The following GRIA4 variants were observed in gnomAD, a reference collection of about 807,000 sequenced individuals.
The protein encoded by GRIA4 is glutamate ionotropic receptor AMPA type subunit 4.
A neutral mutation model predicts 104.0 loss-of-function variants in GRIA4; 34 were observed. That is an observed-to-expected ratio of 0.33 (90% confidence interval 0.25 to 0.44). GRIA4 has a LOEUF of 0.44. Ranked by LOEUF, GRIA4 falls within the 20% of genes least tolerant of loss-of-function variation. The probability of loss-of-function intolerance (pLI) is 1.00; values close to 1 mark genes in which losing one functional copy is unlikely to be tolerated. For missense variants in GRIA4, 750 were observed against 1,096.5 expected, an observed-to-expected ratio of 0.68 and a Z score of 4.46; for synonymous variants, 386 against 381.9, an observed-to-expected ratio of 1.01 and a Z score of -0.13.
chr11:105,688,314 T>A (rs1952965397), intron 3 of GRIA4, among the ~76,000 whole-genome samples: 1 of 152,190 alleles, frequency 6.6e-6, no homozygotes, highest in South Asian at 2.1e-4. Context: ...ATCCCAGCAC[T>A]TTGGGAGGCC....
intron 7 of GRIA4, among the ~76,000 whole-genome samples, chr11:105,900,411 C>T (rs897333838): frequency 1.3e-5 from 2 of 152,078 alleles, no homozygotes; most frequent in African/African-American, 4.8e-5. Flanking sequence ...TCTGATGCTC[C>T]AGCCAATGTG....
intron 4 of GRIA4, among the ~76,000 whole-genome samples, chr11:105,765,207 G>C (rs1940876438): frequency 6.6e-6 from 1 of 152,116 alleles, no homozygotes; most frequent in African/African-American, 2.4e-5. Flanking sequence ...ACTCAGTACA[G>C]ATTAATACAA....
chr11:105,971,971 G>A lies in GRIA4; in HGVS notation c.2352G>A (p.Leu784=), dbSNP rs764831605. ...GTGAGGCAGGCGTCTTAGACAAGCT[G>A]AAAAACAAATGGTGGTACGATAAAG... The part of the protein sequence containing the change: ...KLSEAGVLDK[L]KNKWWYDKGE... The change falls in exon 15 of 17, where the codon CTG becomes CTA. Residue 784 remains leucine, a synonymous_variant. Coordinates refer to ENST00000282499, the MANE Select transcript of GRIA4 (RefSeq NM_000829.4). 1.2e-6 allele frequency: 2 copies of A among 1,613,038 alleles called. No homozygotes were observed. Among genetic ancestry groups the A allele is most frequent in the Non-Finnish European group, 1.7e-6 (2 of 1,179,222 alleles).
chr11:105,960,767 G>C (rs564019141), intron 14 of GRIA4, among the ~76,000 whole-genome samples: 1 of 152,342 alleles, frequency 6.6e-6, no homozygotes, highest in African/African-American at 2.4e-5. Flanking sequence ...GGGTTCGCGA[G>C]TGGGACCTTC....
chr11:105,696,557 TTAA>T (rs1276232731), intron 3 of GRIA4, among the ~76,000 whole-genome samples: 8 of 152,254 alleles, frequency 5.3e-5, no homozygotes, highest in East Asian at 3.9e-4. Flanking sequence ...TTTTTAAAAT[TTAA>T]TAATAATAAG....
intron 14 of GRIA4, among the ~76,000 whole-genome samples, chr11:105,938,684 T>G (rs977648398): frequency 6.6e-6 from 1 of 152,192 alleles, no homozygotes; most frequent in South Asian, 2.1e-4. Context: ...CAAAAATCAT[T>G]TGCATCTCTC....
intron 3 of GRIA4, among the ~76,000 whole-genome samples, chr11:105,703,896 A>G (rs928008747): frequency 6.6e-6 from 1 of 152,022 alleles, no homozygotes; most frequent in African/African-American, 2.4e-5. Flanking sequence ...GCTGGAAATG[A>G]GTTTCTTTGT....
chr11:105,715,983 GGAA>G (rs1163455315), intron 3 of GRIA4, among the ~76,000 whole-genome samples: 1 of 152,156 alleles, frequency 6.6e-6, no homozygotes, highest in Non-Finnish European at 1.5e-5. Context: ...GTGAGGCCCA[GGAA>G]GAAGAGGAAA....
At chr11:105,644,175 G>A (rs1406333821) in intron 3 of GRIA4, among the ~76,000 whole-genome samples, 1 of 152,188 alleles carries the variant, frequency 6.6e-6, no homozygotes, top group Non-Finnish European at 1.5e-5. Context: ...TGTGTGGTGG[G>A]AGAAAGGATT....
intron 3 of GRIA4, among the ~76,000 whole-genome samples, chr11:105,642,537 GAAAA>G (rs34987277): frequency 9.7e-4 from 70 of 72,442 alleles, no homozygotes; most frequent in African/African-American, 4.3e-3. Flanking sequence ...CAATTTTAAT[GAAAA>G]AAAAAAAAAA....
intron 3 of GRIA4, among the ~76,000 whole-genome samples, chr11:105,730,110 T>C (rs1938494098): frequency 1.3e-5 from 2 of 152,224 alleles, no homozygotes; most frequent in African/African-American, 4.8e-5. Context: ...GCAGATGACA[T>C]GATTGTATAT....
At chr11:105,724,345 A>G (rs1193269723) in intron 3 of GRIA4, among the ~76,000 whole-genome samples, 1 of 151,460 alleles carries the variant, frequency 6.6e-6, no homozygotes, top group African/African-American at 2.4e-5. Flanking sequence ...ACATAGATAG[A>G]TAGATAGATG....
chr11:105,835,558 G>A (rs1944146361), intron 4 of GRIA4, among the ~76,000 whole-genome samples: 1 of 152,002 alleles, frequency 6.6e-6, no homozygotes, highest in African/African-American at 2.4e-5. Flanking sequence ...GTGTGTGTGT[G>A]TGTTTTCTTT....
At chr11:105,635,520 A>G (rs1490597444) in intron 3 of GRIA4, among the ~76,000 whole-genome samples, 1 of 152,186 alleles carries the variant, frequency 6.6e-6, no homozygotes, top group African/African-American at 2.4e-5. Context: ...CACTTTTGAT[A>G]AAGGGAAATA....
chr11:105,926,186 A>G (rs1378608246), intron 12 of GRIA4, among the ~76,000 whole-genome samples: 1 of 150,932 alleles, frequency 6.6e-6, no homozygotes, highest in Non-Finnish European at 1.5e-5. Flanking sequence ...CTTGGCCTAC[A>G]TCCCATCATC....
chr11:105,869,880 A>G (rs1223797032), intron 5 of GRIA4, among the ~76,000 whole-genome samples: 2 of 152,136 alleles, frequency 1.3e-5, no homozygotes, highest in African/African-American at 2.4e-5. Context: ...CCAATCTCAT[A>G]TACAACTTGT....
intron 14 of GRIA4, among the ~76,000 whole-genome samples, chr11:105,970,640 A>G (rs1656438926): frequency 6.6e-6 from 1 of 152,200 alleles, no homozygotes; most frequent in African/African-American, 2.4e-5. Flanking sequence ...AGTTGTATAG[A>G]TAGGTTTTTG....
In GRIA4 at chr11:105,979,853, CG is replaced by C. The variant is rs1859187999; in HGVS notation, c.*117del. On this transcript the variant is annotated 3_prime_UTR_variant, in exon 17 of 17. Coordinates refer to ENST00000282499, the MANE Select transcript of GRIA4 (RefSeq NM_000829.4). ...GCTAAACCAATCCTTTGGCTGAGAG[CG>C]GGAAGTCCGTCCTAACGCGCTGGCC... 1 of 720,870 alleles carries C rather than the reference CG, an allele frequency of 1.4e-6. No individual in the cohort carries two copies. Among genetic ancestry groups the C allele is most frequent in the Non-Finnish European group, 2.3e-6 (1 of 436,626 alleles). The allele number at this position is 720,870 out of a possible 1,614,324, so 44.7% of individuals were successfully genotyped here. A position where few individuals can be genotyped will look rare whatever the true frequency, so the allele number is the denominator to read the frequency against.
chr11:105,955,493 T>C (rs1439724123), intron 14 of GRIA4, among the ~76,000 whole-genome samples: 1 of 152,268 alleles, frequency 6.6e-6, no homozygotes, highest in East Asian at 1.9e-4. Flanking sequence ...GTGGTATATA[T>C]GTACCATATT....
Sources: gnomAD v4.1 joint callset for allele counts (sites outside exome capture counted in the v4.1 genomes callset) on GRCh38, gnomAD v4.1.1 for gene constraint, MANE v1.5 for transcripts, NCBI Gene and HGNC (gene_info 2026-07-23, HGNC 2026-07-21) for gene names.